VRTN: variants seen among roughly 807,000 people sequenced by gnomAD.
VRTN encodes vertebrae development associated.
In VRTN, 5 loss-of-function variants were observed where a neutral mutation model predicts 18.2. That is an observed-to-expected ratio of 0.27 (90% confidence interval 0.14 to 0.58). The LOEUF (loss-of-function observed/expected upper bound fraction) is 0.58. Among genes scored for constraint, VRTN ranks in the 20% least tolerant of loss-of-function variants. The pLI, the probability that VRTN is intolerant of heterozygous loss-of-function variation, is 0.91. For synonymous variants in VRTN, 381 were observed against 393.7 expected, an observed-to-expected ratio of 0.97 and a Z score of 0.38; for missense variants, 741 against 939.4, an observed-to-expected ratio of 0.79 and a Z score of 2.76.
intron 1 of VRTN, among the ~76,000 whole-genome samples, chr14:74,309,470 C>T (rs1288195928): frequency 6.6e-6 from 1 of 152,142 alleles, no homozygotes; most frequent in Non-Finnish European, 1.5e-5. Context: ...TAAACCAAAT[C>T]AACAGCCCAC....
chr14:74,337,231 T>C (rs2085571043), intron 1 of VRTN, among the ~76,000 whole-genome samples: 1 of 151,992 alleles, frequency 6.6e-6, no homozygotes, highest in Non-Finnish European at 1.5e-5. Flanking sequence ...TAGTCCCAGC[T>C]ATTCGGGAAG....
At position 74,357,487 on chromosome 14, in the gene VRTN, A is replaced by G; in HGVS notation, c.704A>G (p.Gln235Arg). The G allele has an allele frequency of 6.2e-7, 1 of 1,612,508 alleles. No homozygotes were observed. ...QPLTSHFFRH[Q>R]YFAPVVGLEE... ...CTCACCAGCCACTTCTTCCGCCACCAGTACTTTGCCCCTGTGGTGGGGCTG... is the reference window on the plus strand; with the variant it reads ...CTCACCAGCCACTTCTTCCGCCACCGGTACTTTGCCCCTGTGGTGGGGCTG... The change falls in exon 2 of 2, where the codon CAG becomes CGG. Residue 235 changes from glutamine (Q) to arginine (R), a missense_variant. By Grantham distance (43) the Gln-to-Arg change is conservative (BLOSUM62 1). Around this residue, in one of 3 missense-constraint regions of VRTN, gnomAD observed 494 missense variants for 546.5 expected, o/e 0.90. Transcript: ENST00000256362. This position sits in a 1 kb window ranked among gnomAD's most constrained non-coding sequence, Gnocchi z 7.8.
chr14:74,322,847 C>A (rs117752932), intron 1 of VRTN, among the ~76,000 whole-genome samples: 2 of 152,118 alleles, frequency 1.3e-5, no homozygotes, highest in African/African-American at 4.8e-5. Flanking sequence ...AAAAAGCATA[C>A]TAGGGACCGG....
Position 74,359,303 on chromosome 14 carries a change from C to A in VRTN, c.*411C>A. ...AAAAGGAGTGTTATAGCATGATCATCGGTCCCACTGGGCAGAACGTTATCT... is the reference window on the plus strand; with the variant it reads ...AAAAGGAGTGTTATAGCATGATCATAGGTCCCACTGGGCAGAACGTTATCT... On this transcript the variant is annotated 3_prime_UTR_variant, in exon 2 of 2. Coordinates refer to ENST00000256362, the MANE Select transcript of VRTN (RefSeq NM_018228.3). 5.6e-6 allele frequency: 1 copy of A among 178,640 alleles called. No individual in the cohort carries two copies. The highest frequency in any genetic ancestry group is 1.8e-4 in the East Asian group (1 of 5,648). 11.1% of individuals were successfully genotyped at this position (178,640 alleles called of 1,614,324 possible). A position where few individuals can be genotyped will look rare whatever the true frequency, so the allele number is the denominator to read the frequency against.
intron 1 of VRTN, among the ~76,000 whole-genome samples, chr14:74,349,872 G>A (rs1214830656): frequency 6.6e-6 from 1 of 152,168 alleles, no homozygotes; most frequent in Non-Finnish European, 1.5e-5. Context: ...TGGATGTCCT[G>A]CCTTTACCCC....
intron 1 of VRTN, among the ~76,000 whole-genome samples, chr14:74,318,300 G>C (rs985678526): frequency 6.8e-6 from 1 of 146,234 alleles, no homozygotes; most frequent in Non-Finnish European, 1.5e-5. Flanking sequence ...ACAGAGTTTC[G>C]CTCTTTGTTG....
chr14:74,356,433 C>T (rs1334476313), intron 1 of VRTN, among the ~76,000 whole-genome samples: 6 of 152,216 alleles, frequency 3.9e-5, no homozygotes, highest in African/African-American at 1.4e-4. Flanking sequence ...ATTCATCTGC[C>T]TTGGCCTCCC....
At chr14:74,305,457 C>A in intron 1 of VRTN, 1 of 198,430 alleles carries the variant, frequency 5.0e-6, no homozygotes, top group South Asian at 1.1e-4. Flanking sequence ...TCTTCAAGCT[C>A]TTCTGGCAGC....
At chr14:74,325,744 T>G (rs1268946492) in intron 1 of VRTN, among the ~76,000 whole-genome samples, 1 of 152,026 alleles carries the variant, frequency 6.6e-6, no homozygotes, top group Non-Finnish European at 1.5e-5. Flanking sequence ...TACTCCAGCC[T>G]GGGCAACAGA....
chr14:74,348,001 C>A (rs1288141365), upstream of VRTN, among the ~76,000 whole-genome samples: 1 of 152,228 alleles, frequency 6.6e-6, no homozygotes, highest in Non-Finnish European at 1.5e-5. Context: ...GCTCTCCAGT[C>A]TGCCTGGTTC....
Position 74,356,954 on chromosome 14 carries a change from A to G in VRTN, c.171A>G (p.Glu57=), listed in dbSNP as rs912159528. 2 of 1,613,906 alleles carry G rather than the reference A, an allele frequency of 1.2e-6. No individual in the cohort carries two copies. The highest frequency in any genetic ancestry group is 1.7e-6 in the Non-Finnish European group (2 of 1,179,942). ...REGGPGLQVL[E]VDSVALSLYP... ...GAGGCCCTGGCCTCCAGGTGCTGGA[A>G]GTGGACTCGGTGGCCCTGAGCCTGT... Residue 57 remains glutamate (E), a synonymous_variant, in exon 2 of 2, where the codon GAA becomes GAG. Coordinates refer to ENST00000256362, the MANE Select transcript of VRTN (RefSeq NM_018228.3).
intron 1 of VRTN, among the ~76,000 whole-genome samples, chr14:74,334,150 T>A (rs2085548432): frequency 6.6e-6 from 1 of 152,210 alleles, no homozygotes; most frequent in South Asian, 2.1e-4. Flanking sequence ...ATTCTATGCA[T>A]ACATCTGGTT....
At chr14:74,310,275 T>C (rs1834384871) in intron 1 of VRTN, among the ~76,000 whole-genome samples, 1 of 151,318 alleles carries the variant, frequency 6.6e-6, no homozygotes, top group Admixed American at 6.6e-5. Flanking sequence ...CACATTCCTG[T>C]AGTCCCAGCT....
upstream of VRTN, among the ~76,000 whole-genome samples, chr14:74,347,310 G>A (rs1263364899): frequency 6.6e-6 from 1 of 152,200 alleles, no homozygotes; most frequent in Non-Finnish European, 1.5e-5. Flanking sequence ...CACAGCCTCA[G>A]GCCACTGCCA....
At chr14:74,322,616 T>C (rs1320588469) in intron 1 of VRTN, among the ~76,000 whole-genome samples, 1 of 152,180 alleles carries the variant, frequency 6.6e-6, no homozygotes, top group Non-Finnish European at 1.5e-5. Context: ...GTCCCTCTGC[T>C]TCTGAAGCAA....
chr14:74,333,917 C>T (rs2085546433), intron 1 of VRTN, among the ~76,000 whole-genome samples: 1 of 152,096 alleles, frequency 6.6e-6, no homozygotes, highest in South Asian at 2.1e-4. Context: ...TATATGTTCA[C>T]TGCATTGTTC....
chr14:74,340,538 C>T (rs1233679176), intron 2 of VRTN, among the ~76,000 whole-genome samples: 4 of 152,122 alleles, frequency 2.6e-5, no homozygotes, highest in East Asian at 3.9e-4. Context: ...CCACCATACC[C>T]GGCCAATGAG....
rs1174919846 is a variant in VRTN at position 74,306,155 on chromosome 14, TATATATA to T, written c.-164+2980_-164+2986del. ...ATATGTAAAAATATACATATATATA[TATATATA>T]TATATATATATTTTTTTTTTTTTTT... On this transcript the variant is annotated intron_variant, in intron 1 of 2. Coordinates refer to the VRTN transcript ENST00000557177. 7.6e-4 allele frequency: 56 copies of T among 73,510 alleles called. 1 individual carries two copies. The East Asian group carries it at 0.011, about 15-fold the overall frequency. 4.6% of individuals were successfully genotyped at this position (73,510 alleles called of 1,614,324 possible). A position where few individuals can be genotyped will look rare whatever the true frequency, so the allele number is the denominator to read the frequency against.
Position 74,358,935 on chromosome 14 carries a change from G to A in VRTN, c.*43G>A, listed in dbSNP as rs2085760019. On this transcript the variant is annotated 3_prime_UTR_variant, in exon 2 of 2. Coordinates refer to ENST00000256362, the MANE Select transcript of VRTN (RefSeq NM_018228.3). The surrounding 1 kb of genome is among the most constrained non-coding windows in gnomAD (Gnocchi z 5.4). ...GGCTGGGAAGAAGGGGGACCAGTTTGGAGAGGGTCAGGGACCTGAGCTGAC... is the reference window on the plus strand; with the variant it reads ...GGCTGGGAAGAAGGGGGACCAGTTTAGAGAGGGTCAGGGACCTGAGCTGAC... 6.4e-7 allele frequency: 1 copy of A among 1,568,316 alleles called. No individual in the cohort carries two copies. Among genetic ancestry groups the A allele is most frequent in the African/African-American group, 1.4e-5 (1 of 73,932 alleles).
Sources: gnomAD v4.1 joint callset for allele counts (sites outside exome capture counted in the v4.1 genomes callset) on GRCh38, gnomAD v4.1.1 for gene constraint, gnomAD v4.1.1 regional missense constraint, Gnocchi (gnomAD v3.1) non-coding constraint, MANE v1.5 for transcripts, NCBI Gene and HGNC (gene_info 2026-07-23, HGNC 2026-07-21) for gene names.